Variants in FOXP2 observed in about 807,000 individuals in gnomAD.
The protein encoded by FOXP2 is forkhead box P2.
Under a neutral mutation model 115.8 loss-of-function variants are expected in FOXP2, and 12 were observed. The ratio of observed to expected loss-of-function variants is 0.10; its 90% CI spans 0.07 to 0.17. FOXP2 has a LOEUF of 0.17. Ranked by LOEUF, FOXP2 falls within the 10% of genes least tolerant of loss-of-function variation. FOXP2 has a pLI of 1.00. For synonymous variants in FOXP2, 328 were observed against 297.7 expected (o/e 1.10, Z -1.05); for missense variants, 629 against 843.5 (o/e 0.75, Z 3.15).
chr7:114,582,013 T>G (rs1801894934), intron 3 of FOXP2, among the ~76,000 whole-genome samples: 1 of 151,966 alleles, frequency 6.6e-6, no homozygotes, highest in African/African-American at 2.4e-5. Flanking sequence ...AAAATGCTGC[T>G]AAAGGGGAAA....
chr7:114,352,721 T>G (rs1325470989), intron 2 of FOXP2, among the ~76,000 whole-genome samples: 1 of 152,118 alleles, frequency 6.6e-6, no homozygotes, highest in Non-Finnish European at 1.5e-5. Context: ...TTTAACTTAA[T>G]TGACCCTATA....
intron 2 of FOXP2, among the ~76,000 whole-genome samples, chr7:114,305,290 C>T (rs1393537261): frequency 6.6e-6 from 1 of 152,144 alleles, no homozygotes; most frequent in Non-Finnish European, 1.5e-5. Flanking sequence ...ATATATCCCT[C>T]TTGTAAAATG....
At chr7:114,205,717 A>C (rs1010665838) in intron 1 of FOXP2, among the ~76,000 whole-genome samples, 2 of 152,196 alleles carry the variant, frequency 1.3e-5, no homozygotes, top group African/African-American at 4.8e-5. Flanking sequence ...ATGTAGTTTC[A>C]ATGGAGGCCT....
At chr7:114,088,721 A>G (rs1406875010) in intron 1 of FOXP2, among the ~76,000 whole-genome samples, 1 of 152,244 alleles carries the variant, frequency 6.6e-6, no homozygotes, top group African/African-American at 2.4e-5. Context: ...TATGTTGTCA[A>G]GGGGACTGTT....
chr7:114,322,893 T>C (rs931344396), intron 2 of FOXP2, among the ~76,000 whole-genome samples: 3 of 152,208 alleles, frequency 2.0e-5, no homozygotes, highest in Non-Finnish European at 4.4e-5. Flanking sequence ...TTAGGTTTTG[T>C]ATGGCTGCTC....
intron 1 of FOXP2, among the ~76,000 whole-genome samples, chr7:114,216,795 C>T (rs1357879291): frequency 6.6e-6 from 1 of 152,020 alleles, no homozygotes; most frequent in East Asian, 1.9e-4. Flanking sequence ...TTTCCACTTT[C>T]CATCTCAAAC....
chr7:114,419,108 T>A (rs1159008485), intron 1 of FOXP2, among the ~76,000 whole-genome samples: 1 of 151,942 alleles, frequency 6.6e-6, no homozygotes, highest in African/African-American at 2.4e-5. Flanking sequence ...TAACTGACTG[T>A]GCATATAAAG....
chr7:114,151,828 T>G (rs1256786624), intron 1 of FOXP2, among the ~76,000 whole-genome samples: 1 of 152,094 alleles, frequency 6.6e-6, no homozygotes, highest in African/African-American at 2.4e-5. Flanking sequence ...TGCTACCTTC[T>G]GCAAATATAA....
intron 1 of FOXP2, among the ~76,000 whole-genome samples, chr7:114,172,282 G>C (rs527847469): frequency 1.3e-5 from 2 of 152,204 alleles, no homozygotes; most frequent in Non-Finnish European, 2.9e-5. Context: ...ATACCTCCAA[G>C]GTATGCCTGT....
chr7:114,605,537 AG>A (rs1342388052), intron 3 of FOXP2, among the ~76,000 whole-genome samples: 1 of 152,190 alleles, frequency 6.6e-6, no homozygotes, highest in Non-Finnish European at 1.5e-5. Context: ...GAAAAATTAA[AG>A]TAAGGGGATA....
intron 2 of FOXP2, among the ~76,000 whole-genome samples, chr7:114,491,180 T>A (rs1285783062): frequency 6.6e-6 from 1 of 152,188 alleles, no homozygotes. Flanking sequence ...GTTTCCTGAC[T>A]TTTTAATGAT....
chr7:114,138,311 G>A (rs1034706835), intron 1 of FOXP2, among the ~76,000 whole-genome samples: 3 of 151,482 alleles, frequency 2.0e-5, no homozygotes, highest in African/African-American at 7.3e-5. Flanking sequence ...CCAAATCCAG[G>A]TCAACAGCAA....
At chr7:114,398,484 T>TA (rs1792798143) in intron 2 of FOXP2, among the ~76,000 whole-genome samples, 1 of 152,104 alleles carries the variant, frequency 6.6e-6, no homozygotes, top group East Asian at 1.9e-4. Context: ...TACAAAAATA[T>TA]AAAAATGGAC....
At chr7:114,252,079 A>T (rs1027815967) in intron 1 of FOXP2, among the ~76,000 whole-genome samples, 1 of 152,146 alleles carries the variant, frequency 6.6e-6, no homozygotes, top group African/African-American at 2.4e-5. Flanking sequence ...TTCTGTTTAT[A>T]TACTGGATTA....
chr7:114,518,753 G>A (rs765346329), intron 2 of FOXP2, among the ~76,000 whole-genome samples: 41 of 151,978 alleles, frequency 2.7e-4, no homozygotes, highest in Admixed American at 6.6e-4. Flanking sequence ...TGATCTTCCC[G>A]CCTCGGCCTC....
chr7:114,511,702 A>T (rs1686490052), intron 2 of FOXP2, among the ~76,000 whole-genome samples: 1 of 152,176 alleles, frequency 6.6e-6, no homozygotes, highest in Non-Finnish European at 1.5e-5. Context: ...AATAACTTTA[A>T]TGAAGGATAT....
intron 2 of FOXP2, among the ~76,000 whole-genome samples, chr7:114,447,570 C>T (rs771954206): frequency 9.2e-5 from 14 of 152,094 alleles, no homozygotes; most frequent in Non-Finnish European, 1.6e-4. Flanking sequence ...CTTAGATCTC[C>T]TAACAAGCTG....
intron 1 of FOXP2, among the ~76,000 whole-genome samples, chr7:114,252,745 T>C (rs1388328993): frequency 6.6e-6 from 1 of 151,932 alleles, no homozygotes; most frequent in Non-Finnish European, 1.5e-5. Flanking sequence ...AAAAACCAGC[T>C]CCTGCTTTCA....
chr7:114,532,231 G>A (rs1171330290), intron 2 of FOXP2, among the ~76,000 whole-genome samples: 2 of 151,848 alleles, frequency 1.3e-5, no homozygotes, highest in Non-Finnish European at 2.9e-5. Flanking sequence ...AATGAAATCC[G>A]AGTTAAGGAT....
Sources: allele counts gnomAD v4.1 joint callset (sites outside exome capture counted in the v4.1 genomes callset), GRCh38; gene constraint gnomAD v4.1.1; transcripts MANE v1.5; gene names NCBI Gene and HGNC (gene_info 2026-07-23, HGNC 2026-07-21).